TUB: variants seen among roughly 807,000 people sequenced by gnomAD.
TUB encodes the protein TUB bipartite transcription factor, also known as tubby protein homolog.
Under a neutral mutation model 59.7 loss-of-function variants are expected in TUB, and 33 were observed. The ratio of observed to expected loss-of-function variants is 0.55; its 90% CI spans 0.42 to 0.74. TUB has a LOEUF of 0.74. Ranked by LOEUF, TUB falls within the 30% of genes least tolerant of loss-of-function variation. The probability of loss-of-function intolerance (pLI) is 0.00; values close to 1 mark genes in which losing one functional copy is unlikely to be tolerated. For missense variants in TUB, 659 were observed against 672.0 expected (o/e 0.98, Z 0.21); for synonymous variants, 293 against 256.4 (o/e 1.14, Z -1.36).
upstream of TUB, chr11:8,036,029 C>T (rs941854781): frequency 3.3e-5 from 5 of 152,316 alleles, no homozygotes; most frequent in Middle Eastern, 3.2e-3. Flanking sequence ...ATACCCTCCT[C>T]CTGTCCTCCC....
upstream of TUB, chr11:8,038,489 G>T (rs1942683565): frequency 2.1e-6 from 1 of 481,170 alleles, no homozygotes; most frequent in African/African-American, 2.1e-5. Flanking sequence ...GTCCTCGGTG[G>T]TTCCTCCAGA....
intron 1 of TUB, among the ~76,000 whole-genome samples, chr11:8,026,733 C>G (rs1240739467): frequency 6.6e-6 from 1 of 152,100 alleles, no homozygotes; most frequent in African/African-American, 2.4e-5. Flanking sequence ...ATTCTAGGGC[C>G]TTTTCAATTT....
intron 2 of TUB, among the ~76,000 whole-genome samples, chr11:8,045,209 A>G (rs1399634906): frequency 6.6e-6 from 1 of 152,178 alleles, no homozygotes; most frequent in African/African-American, 2.4e-5. Flanking sequence ...GAGTCACCTC[A>G]TTAGAATAAA....
Position 8,090,367 on chromosome 11 carries a change from TGA to T in TUB, c.253+138_253+139del, listed in dbSNP as rs1000808480. 13 of 1,262,680 alleles carry T rather than the reference TGA, an allele frequency of 1.0e-5. No homozygotes were observed. The Admixed American group carries it at 3.4e-4, about 33-fold the overall frequency. The allele number at this position is 1,262,680 out of a possible 1,614,324, so 78.2% of individuals were successfully genotyped here. A position where few individuals can be genotyped will look rare whatever the true frequency, so the allele number is the denominator to read the frequency against. On this transcript the variant is annotated intron_variant, in intron 3 of 11. Coordinates refer to ENST00000299506, the MANE Select transcript of TUB (RefSeq NM_177972.3). Reference sequence around the variant, plus strand: ...ATGGCTTCCAGCCCAGGCAGACAGCTGAGTAGGGAGGGCAGAGGGAAGGTGGA... The same window carrying T: ...ATGGCTTCCAGCCCAGGCAGACAGCTGTAGGGAGGGCAGAGGGAAGGTGGA...
chr11:8,028,730 C>T (rs1458940302), intron 1 of TUB, among the ~76,000 whole-genome samples: 4 of 152,174 alleles, frequency 2.6e-5, no homozygotes. Context: ...ACTGGTGAGT[C>T]GGGCACAGTG....
intron 1 of TUB, among the ~76,000 whole-genome samples, chr11:8,033,115 C>T (rs1175050326): frequency 6.6e-6 from 1 of 152,184 alleles, no homozygotes; most frequent in African/African-American, 2.4e-5. Flanking sequence ...AGACAGGGAG[C>T]TCCAGAGGCA....
At chr11:8,085,485 C>T (rs1943649320) in intron 1 of TUB, among the ~76,000 whole-genome samples, 1 of 152,226 alleles carries the variant, frequency 6.6e-6, no homozygotes. Context: ...CAGTAAGCTG[C>T]CAGGCGACAG....
intron 2 of TUB, among the ~76,000 whole-genome samples, chr11:8,045,425 T>C (rs1264588133): frequency 2.6e-5 from 4 of 152,214 alleles, no homozygotes; most frequent in Non-Finnish European, 5.9e-5. Context: ...AATTTTTGAT[T>C]AGATGATAAA....
intron 2 of TUB, among the ~76,000 whole-genome samples, chr11:8,041,381 A>G (rs75447341): frequency 2.4e-3 from 364 of 152,284 alleles, no homozygotes; most frequent in African/African-American, 7.9e-3. Context: ...CATCTTTGGA[A>G]TTGAGGGCTG....
chr11:8,073,516 A>T (rs1943394254), intron 2 of TUB, among the ~76,000 whole-genome samples: 1 of 152,214 alleles, frequency 6.6e-6, no homozygotes, highest in African/African-American at 2.4e-5. Flanking sequence ...TTGCTGGAGG[A>T]TATAAAGGAA....
upstream of TUB, chr11:8,076,969 T>G (rs1341051360): frequency 2.0e-5 from 3 of 152,288 alleles, no homozygotes; most frequent in East Asian, 1.9e-4. Flanking sequence ...CTTTGTATAT[T>G]CTGCAGTTAT....
intron 4 of TUB, among the ~76,000 whole-genome samples, chr11:8,094,473 C>T (rs1943895527): frequency 6.6e-6 from 1 of 152,206 alleles, no homozygotes; most frequent in Non-Finnish European, 1.5e-5. Flanking sequence ...CTACCTTGGC[C>T]TGAGCACCCT....
chr11:8,065,340 C>T lies in TUB; in HGVS notation c.204-24270C>T, dbSNP rs189633812. On this transcript the variant is annotated intron_variant, in intron 2 of 12. Coordinates refer to the TUB transcript ENST00000305253. ...TGGTGCTGGAGCGGGTGGTAATGGACAGAGGAGACATGGTGTGTGCCCCAG... is the reference window on the plus strand; with the variant it reads ...TGGTGCTGGAGCGGGTGGTAATGGATAGAGGAGACATGGTGTGTGCCCCAG... 2.0e-5 allele frequency among the ~76,000 whole-genome samples: 3 copies of T among 152,272 alleles called. No individual in the cohort carries two copies. The East Asian group carries it at 5.8e-4, about 29-fold the overall frequency.
At chr11:8,054,086 G>C (rs543715092) in intron 2 of TUB, among the ~76,000 whole-genome samples, 31 of 152,074 alleles carry the variant, frequency 2.0e-4, no homozygotes, top group African/African-American at 7.2e-4. Flanking sequence ...CTGTACTCCA[G>C]CCGGGGCGAC....
At chr11:8,089,702 C>T (rs781185856) in intron 2 of TUB, 41 bp downstream of exon 2, 1 of 1,612,672 alleles carries the variant, frequency 6.2e-7, no homozygotes, top group East Asian at 2.2e-5. Context: ...AGAGTCTGGG[C>T]TGGGATCTCT....
chr11:8,045,416 A>C (rs965615562), intron 2 of TUB, among the ~76,000 whole-genome samples: 3 of 152,098 alleles, frequency 2.0e-5, no homozygotes, highest in Admixed American at 1.3e-4. Flanking sequence ...TGCCTGGGTA[A>C]TTTTTGATTA....
chr11:8,104,861 A>G lies in TUB; in HGVS notation c.*3242A>G, dbSNP rs369622126. 11 of 152,110 alleles carry G rather than the reference A, an allele frequency of 7.2e-5. No individual in the cohort carries two copies. The highest frequency in any genetic ancestry group is 2.0e-4 in the Admixed American group (3 of 15,282). 9.4% of individuals were successfully genotyped at this position (152,110 alleles called of 1,614,324 possible). A position where few individuals can be genotyped will look rare whatever the true frequency, so the allele number is the denominator to read the frequency against. ...GCCAGGACTGTGATAATCAGAAGCT[A>G]TAAGAGAACTTTCGGAGCCTGCCTC... On this transcript the variant is annotated 3_prime_UTR_variant, in exon 12 of 12. Transcript: ENST00000299506.
At chr11:8,094,348 C>G (rs1276565846) in intron 4 of TUB, among the ~76,000 whole-genome samples, 159 bp downstream of exon 4, 1 of 152,122 alleles carries the variant, frequency 6.6e-6, no homozygotes, top group Non-Finnish European at 1.5e-5. Context: ...GGCTCACAGG[C>G]CTCATCTAGC....
At chr11:8,090,499 A>G (rs1265517337) in intron 3 of TUB, among the ~76,000 whole-genome samples, 1 of 152,226 alleles carries the variant, frequency 6.6e-6, no homozygotes, top group African/African-American at 2.4e-5. Context: ...CAGAAGTCCA[A>G]GTTTTGATCT....
Sources: allele counts gnomAD v4.1 joint callset (sites outside exome capture counted in the v4.1 genomes callset), GRCh38; gene constraint gnomAD v4.1.1; transcripts MANE v1.5; gene names NCBI Gene and HGNC (gene_info 2026-07-23, HGNC 2026-07-21).